ELMO1: variants seen among roughly 807,000 people sequenced by gnomAD.
ELMO1 encodes engulfment and cell motility protein 1.
Under a neutral mutation model 98.9 loss-of-function variants are expected in ELMO1, and 26 were observed. The ratio of observed to expected loss-of-function variants is 0.26; its 90% CI spans 0.19 to 0.36. ELMO1 has a LOEUF of 0.36. Among genes scored for constraint, ELMO1 ranks in the 10% least tolerant of loss-of-function variants. The pLI is 1.00. For synonymous variants in ELMO1, 346 were observed against 346.0 expected (o/e 1.00, Z 0.00); for missense variants, 627 against 935.2 (o/e 0.67, Z 4.30).
chr7:36,885,249 T>C (rs1183015250), intron 18 of ELMO1, among the ~76,000 whole-genome samples: 3 of 152,120 alleles, frequency 2.0e-5, no homozygotes, highest in Non-Finnish European at 4.4e-5. Flanking sequence ...GATGCTAATA[T>C]TTTTTTGTTC....
At chr7:37,014,979 C>T (rs1048203483) in intron 15 of ELMO1, among the ~76,000 whole-genome samples, 2 of 152,080 alleles carry the variant, frequency 1.3e-5, no homozygotes, top group African/African-American at 4.8e-5. Context: ...CTCAAGGATA[C>T]ACGGCTACCA....
At chr7:37,306,923 A>T (rs1798642879) in intron 4 of ELMO1, among the ~76,000 whole-genome samples, 1 of 152,168 alleles carries the variant, frequency 6.6e-6, no homozygotes, top group African/African-American at 2.4e-5. Context: ...CAAATTATAA[A>T]CCTAGTGACT....
At chr7:37,275,163 G>A (rs1395880299) in intron 4 of ELMO1, among the ~76,000 whole-genome samples, 6 of 152,214 alleles carry the variant, frequency 3.9e-5, no homozygotes, top group Non-Finnish European at 8.8e-5. Flanking sequence ...CAGAGGAAGA[G>A]TTCATCAGTC....
chr7:36,857,663 A>G (rs917374087), intron 21 of ELMO1, among the ~76,000 whole-genome samples: 1 of 152,232 alleles, frequency 6.6e-6, no homozygotes, highest in Admixed American at 6.5e-5. Flanking sequence ...TTGAGTTGGA[A>G]CTATCAGTAT....
At chr7:37,092,890 C>T (rs1784190883) in intron 15 of ELMO1, among the ~76,000 whole-genome samples, 4 of 151,892 alleles carry the variant, frequency 2.6e-5, no homozygotes, top group African/African-American at 9.7e-5. Context: ...ACTTTCTTGC[C>T]TCTGTCTACA....
intron 1 of ELMO1, among the ~76,000 whole-genome samples, chr7:37,381,153 A>G (rs1318710156): frequency 6.6e-6 from 1 of 152,250 alleles, no homozygotes; most frequent in Non-Finnish European, 1.5e-5. Flanking sequence ...ACAAATAGAT[A>G]CTAGCAAGTA....
chr7:37,358,222 G>A (rs914002292), intron 1 of ELMO1, among the ~76,000 whole-genome samples: 19 of 152,136 alleles, frequency 1.2e-4, no homozygotes, highest in Admixed American at 1.3e-4. Flanking sequence ...TCATACTTCT[G>A]AAAATTTACT....
chr7:37,206,724 C>T lies in ELMO1; in HGVS notation c.1086+4662G>A, dbSNP rs73108934. 7.0e-3 allele frequency among the ~76,000 whole-genome samples: 1,067 copies of T among 152,204 alleles called. 9 individuals are homozygous for T. Among genetic ancestry groups the T allele is most frequent in the Middle Eastern group, 0.044 (13 of 294 alleles). On this transcript the variant is annotated intron_variant, in intron 13 of 21. Transcript: ENST00000310758. ...TTACCCATAACCTCTTCCACCTTCA[C>T]ATTTTAGTCATTTTTCCCTCCAGGA...
intron 14 of ELMO1, among the ~76,000 whole-genome samples, chr7:37,103,527 G>C (rs1470246205): frequency 1.2e-4 from 14 of 114,578 alleles, no homozygotes; most frequent in Non-Finnish European, 5.1e-5. Flanking sequence ...TGTGGGGTGG[G>C]GGGAGGGGGG....
intron 16 of ELMO1, among the ~76,000 whole-genome samples, chr7:36,935,581 C>G (rs58014320): frequency 0.082 from 12,488 of 152,194 alleles, 1,163 homozygotes; most frequent in East Asian, 0.36. Flanking sequence ...GCTGTCTATT[C>G]AGGTGGGGCA....
intron 15 of ELMO1, among the ~76,000 whole-genome samples, chr7:37,082,687 C>A (rs1413972832): frequency 6.6e-6 from 1 of 152,122 alleles, no homozygotes; most frequent in Non-Finnish European, 1.5e-5. Flanking sequence ...GCTGTGACTG[C>A]GTTACTGCAC....
chr7:37,290,454 T>C (rs1797618040), intron 4 of ELMO1, among the ~76,000 whole-genome samples: 1 of 152,198 alleles, frequency 6.6e-6, no homozygotes, highest in African/African-American at 2.4e-5. Context: ...CTCAGTGTAT[T>C]TGCAGAAATT....
At chr7:37,061,599 C>T (rs1179100982) in intron 15 of ELMO1, among the ~76,000 whole-genome samples, 1 of 152,046 alleles carries the variant, frequency 6.6e-6, no homozygotes, top group Non-Finnish European at 1.5e-5. Context: ...GATAAATCAA[C>T]CAGTGGTCTT....
chr7:36,873,040 T>G (rs1803658428), intron 19 of ELMO1, among the ~76,000 whole-genome samples: 1 of 152,156 alleles, frequency 6.6e-6, no homozygotes, highest in Non-Finnish European at 1.5e-5. Context: ...AAGCGTCACT[T>G]TTTCACTAGG....
chr7:37,000,545 T>C (rs546448899), intron 16 of ELMO1, among the ~76,000 whole-genome samples: 18 of 152,330 alleles, frequency 1.2e-4, no homozygotes, highest in African/African-American at 4.3e-4. Flanking sequence ...TTCCCCCCAA[T>C]TTAAGATAAC....
intron 16 of ELMO1, among the ~76,000 whole-genome samples, chr7:36,919,794 G>A (rs1376767105): frequency 1.3e-5 from 2 of 152,114 alleles, no homozygotes; most frequent in Non-Finnish European, 2.9e-5. Flanking sequence ...CAGAATGGGA[G>A]CCCTTCCTGA....
chr7:37,307,359 T>A (rs914655967), intron 4 of ELMO1, among the ~76,000 whole-genome samples: 1 of 152,140 alleles, frequency 6.6e-6, no homozygotes, highest in African/African-American at 2.4e-5. Context: ...TAAGGGGCTC[T>A]CCCCACTTCA....
chr7:37,194,593 G>A (rs1028593822), intron 13 of ELMO1, among the ~76,000 whole-genome samples: 10 of 151,960 alleles, frequency 6.6e-5, no homozygotes, highest in East Asian at 1.9e-4. Flanking sequence ...TCCAAACACC[G>A]CAGCACATAA....
intron 4 of ELMO1, among the ~76,000 whole-genome samples, chr7:37,292,893 A>T (rs1583475039): frequency 4.3e-5 from 4 of 92,090 alleles, no homozygotes; most frequent in South Asian, 4.1e-4. Context: ...CTGCCCGGCC[A>T]GCCGCCCCGT....
Sources: allele counts gnomAD v4.1 joint callset (sites outside exome capture counted in the v4.1 genomes callset), GRCh38; gene constraint gnomAD v4.1.1; transcripts MANE v1.5; gene names NCBI Gene and HGNC (gene_info 2026-07-23, HGNC 2026-07-21).